TBCD: variants seen among roughly 807,000 people sequenced by gnomAD.
TBCD encodes the protein tubulin folding cofactor D.
A neutral mutation model predicts 169.3 loss-of-function variants in TBCD; 105 were observed. That is an observed-to-expected ratio of 0.62 (90% CI 0.53 to 0.73). The LOEUF is 0.73. Ranked by LOEUF, TBCD falls within the 30% of genes least tolerant of loss-of-function variation. The pLI is 0.00. For missense variants in TBCD, 1,444 were observed against 1,600.1 expected (o/e 0.90, Z 1.66); for synonymous variants, 700 against 643.9 (o/e 1.09, Z -1.32).
intron 17 of TBCD, among the ~76,000 whole-genome samples, chr17:82,896,297 G>A (rs144814166): frequency 1.2e-4 from 19 of 152,190 alleles, no homozygotes; most frequent in Admixed American, 8.5e-4. Flanking sequence ...GGTACGTGGC[G>A]TCTGTCTCCA....
chr17:82,757,311 GTT>G, intron 2 of TBCD, among the ~76,000 whole-genome samples: 1 of 151,346 alleles, frequency 6.6e-6, no homozygotes, highest in Admixed American at 6.6e-5. Context: ...ATCTTGTTCT[GTT>G]TTTTTTTCTT....
At chr17:82,893,431 G>A in intron 16 of TBCD, 116 bp from the exon 17 acceptor site, 2 of 781,240 alleles carry the variant, frequency 2.6e-6, no homozygotes, top group South Asian at 1.8e-5. Flanking sequence ...CTCACCACCT[G>A]CCTCAGGGCT....
chr17:82,776,373 C>T (rs1027839227), intron 6 of TBCD, among the ~76,000 whole-genome samples: 1 of 152,178 alleles, frequency 6.6e-6, no homozygotes, highest in African/African-American at 2.4e-5. Context: ...TGCGCCACTG[C>T]ATTCCAGCCT....
At chr17:82,941,039 G>T (rs1307165602) in intron 37 of TBCD, among the ~76,000 whole-genome samples, 2 of 152,242 alleles carry the variant, frequency 1.3e-5, no homozygotes, top group Non-Finnish European at 2.9e-5. Context: ...CCACAGCATT[G>T]CTAGAATTTT....
At chr17:82,762,984 T>C (rs1199218128) in intron 2 of TBCD, among the ~76,000 whole-genome samples, 4 of 152,248 alleles carry the variant, frequency 2.6e-5, no homozygotes, top group Non-Finnish European at 5.9e-5. Context: ...GCCCAGCGTA[T>C]GGTCTGTTTT....
At chr17:82,925,564 C>A (rs920819085) in intron 27 of TBCD, among the ~76,000 whole-genome samples, 2 of 152,094 alleles carry the variant, frequency 1.3e-5, no homozygotes, top group Admixed American at 6.5e-5. Context: ...GGCCACCTGG[C>A]GTCTGAAGCT....
At chr17:82,900,111 G>A (rs1423622753) in intron 17 of TBCD, among the ~76,000 whole-genome samples, 2 of 152,228 alleles carry the variant, frequency 1.3e-5, no homozygotes, top group African/African-American at 2.4e-5. Flanking sequence ...TAACCAGAGC[G>A]CACAGCTTCC....
At chr17:82,898,110 G>C (rs1298889311) in intron 17 of TBCD, among the ~76,000 whole-genome samples, 2 of 140,196 alleles carry the variant, frequency 1.4e-5, no homozygotes, top group Admixed American at 7.3e-5. Context: ...GCATGGCTCT[G>C]TTCTCCCCGG....
intron 13 of TBCD, among the ~76,000 whole-genome samples, chr17:82,857,006 G>A (rs1407778327): frequency 2.0e-5 from 3 of 152,022 alleles, no homozygotes; most frequent in Non-Finnish European, 4.4e-5. Flanking sequence ...GACCGCGTGC[G>A]GACCCTCGGT....
chr17:82,899,197 C>CGTGTCCGCATTGCGTCCTCAGCAT (rs2059706249), intron 17 of TBCD, among the ~76,000 whole-genome samples: 1 of 134,552 alleles, frequency 7.4e-6, no homozygotes, highest in African/African-American at 2.6e-5. Flanking sequence ...GTCCTCAGCG[C>CGTGTCCGCATTGCGTCCTCAGCAT]GTGTCCGCAG....
At chr17:82,815,955 T>A (rs892902597) in intron 13 of TBCD, among the ~76,000 whole-genome samples, 5 of 152,204 alleles carry the variant, frequency 3.3e-5, no homozygotes, top group Admixed American at 2.0e-4. Context: ...AGTGTACGGT[T>A]AAGTGGTTTT....
At chr17:82,774,464 A>G (rs1464900768) in intron 6 of TBCD, among the ~76,000 whole-genome samples, 1 of 152,232 alleles carries the variant, frequency 6.6e-6, no homozygotes, top group African/African-American at 2.4e-5. Flanking sequence ...ACACAGACAC[A>G]GTAACAAACT....
At chr17:82,830,937 C>T in intron 13 of TBCD, 2 of 1,613,222 alleles carry the variant, frequency 1.2e-6, no homozygotes. Flanking sequence ...CTGCGTGAAG[C>T]AGTGTGAGCA....
chr17:82,769,999 G>A (rs1280011262), intron 5 of TBCD, among the ~76,000 whole-genome samples: 3 of 151,752 alleles, frequency 2.0e-5, no homozygotes, highest in African/African-American at 4.8e-5. Flanking sequence ...TCTTACCCTC[G>A]TTTAACCGAG....
At chr17:82,887,131 CTGTG>C (rs771003321) in intron 15 of TBCD, among the ~76,000 whole-genome samples, 2,631 of 123,392 alleles carry the variant, frequency 0.021, 34 homozygotes, top group Non-Finnish European at 0.026. Context: ...TACCTGTACT[CTGTG>C]TGTGTGTGTG....
At position 82,814,844 on chromosome 17, in the gene TBCD, C is replaced by T. The variant is rs1369494837; in HGVS notation, c.1228C>T (p.Gln410Ter). 5.0e-6 allele frequency: 8 copies of T among 1,613,868 alleles called. No homozygotes were observed. Among genetic ancestry groups the T allele is most frequent in the Non-Finnish European group, 6.8e-6 (8 of 1,179,862 alleles). Residue 410 changes from glutamine (Q) to a stop codon, truncating the protein, a stop_gained, in exon 13 of 39, where the codon CAG becomes TAG. Transcript: ENST00000355528. LOFTEE classifies it high-confidence loss of function. ...CAGGATCTTTGTTGCTCTCAGTTTC[C>T]AGGAGACTGACAAGGCGTGGCATGG... ...VGSVLDCFSF[Q>*]ETDKAWHGGC...
At chr17:82,904,778 G>C (rs189731949) in intron 19 of TBCD, among the ~76,000 whole-genome samples, 4 of 152,210 alleles carry the variant, frequency 2.6e-5, no homozygotes, top group Admixed American at 1.3e-4. Context: ...TTTCAGCTTC[G>C]TGATCTGTTA....
intron 8 of TBCD, 79 bp from the exon 9 acceptor site, chr17:82,800,785 G>C (rs1341028714): frequency 2.0e-6 from 3 of 1,522,876 alleles, no homozygotes; most frequent in Admixed American, 2.1e-5. Context: ...GGAGCCGGCT[G>C]TTGGTTTCGG....
At chr17:82,925,976 T>A (rs2061720232) in intron 27 of TBCD, among the ~76,000 whole-genome samples, 1 of 81,354 alleles carries the variant, frequency 1.2e-5, no homozygotes, top group Non-Finnish European at 2.6e-5. Context: ...GTGGAGAGGC[T>A]GGAGGTGACC....
Sources: allele counts gnomAD v4.1 joint callset (sites outside exome capture counted in the v4.1 genomes callset), GRCh38; gene constraint gnomAD v4.1.1; transcripts MANE v1.5; gene names NCBI Gene and HGNC (gene_info 2026-07-23, HGNC 2026-07-21).